Variants in ARRB1 observed in about 807,000 individuals in gnomAD.
The protein encoded by ARRB1 is arrestin beta 1, also known as beta-arrestin-1.
ARRB1 carries 21 observed loss-of-function variants against 56.8 expected under a neutral mutation model. That is an observed-to-expected ratio of 0.37 (90% CI 0.26 to 0.53). ARRB1 has a LOEUF of 0.53. Ranked by LOEUF, ARRB1 falls within the 20% of genes least tolerant of loss-of-function variation. The pLI is 0.88. For missense variants in ARRB1, 424 were observed against 553.7 expected, an observed-to-expected ratio of 0.77 and a Z score of 2.35; for synonymous variants, 210 against 218.6, an observed-to-expected ratio of 0.96 and a Z score of 0.35.
chr11:75,262,507 A>G lies in ARRB1; in HGVS notation c.*3656T>C, dbSNP rs1250593574. The G allele has an allele frequency of 6.6e-6, 1 of 152,242 alleles. No homozygotes were observed. The highest frequency in any genetic ancestry group is 1.5e-5 in the Non-Finnish European group (1 of 68,056). 9.4% of individuals were successfully genotyped at this position (152,242 alleles called of 1,614,324 possible). A position where few individuals can be genotyped will look rare whatever the true frequency, so the allele number is the denominator to read the frequency against. ...GTGAGAAGCAGGGCAAGCGATGAAG[A>G]CTGGTGGGGAGGGCTCCTCCTGCAG... On this transcript the variant is annotated 3_prime_UTR_variant, in exon 16 of 16. Transcript: ENST00000420843.
chr11:75,322,015 G>C (rs566525780), intron 1 of ARRB1, among the ~76,000 whole-genome samples: 1 of 152,338 alleles, frequency 6.6e-6, no homozygotes, highest in East Asian at 1.9e-4. Flanking sequence ...AGCCCTGCAA[G>C]ACAGGCATCA....
At chr11:75,338,032 C>T (rs546072682) in intron 1 of ARRB1, among the ~76,000 whole-genome samples, 4 of 151,856 alleles carry the variant, frequency 2.6e-5, no homozygotes, top group Non-Finnish European at 5.9e-5. Context: ...GGCACAGAGG[C>T]GTGAAAAGTA....
intron 1 of ARRB1, among the ~76,000 whole-genome samples, chr11:75,290,913 C>G (rs1365707181): frequency 6.6e-6 from 1 of 152,142 alleles, no homozygotes; most frequent in Non-Finnish European, 1.5e-5. Context: ...CCAACACTTA[C>G]CACTTTCGAA....
intron 15 of ARRB1, among the ~76,000 whole-genome samples, 158 bp downstream of exon 15, chr11:75,267,494 G>A (rs1017364089): frequency 2.0e-5 from 3 of 152,216 alleles, no homozygotes; most frequent in Non-Finnish European, 4.4e-5. Context: ...TCACATGCAG[G>A]CAAGCGGGTT....
chr11:75,347,414 A>C (rs1213996751), intron 1 of ARRB1, among the ~76,000 whole-genome samples: 1 of 152,124 alleles, frequency 6.6e-6, no homozygotes, highest in Non-Finnish European at 1.5e-5. Context: ...CCTTTCTCTG[A>C]AAAAAGAGGA....
At chr11:75,290,755 T>C (rs1946592355) in intron 1 of ARRB1, among the ~76,000 whole-genome samples, 1 of 152,124 alleles carries the variant, frequency 6.6e-6, no homozygotes, top group South Asian at 2.1e-4. Flanking sequence ...CTAATTTTTA[T>C]TTTTTGTTTT....
At chr11:75,316,396 C>T (rs913132198) in intron 1 of ARRB1, among the ~76,000 whole-genome samples, 4 of 152,050 alleles carry the variant, frequency 2.6e-5, no homozygotes, top group South Asian at 2.1e-4. Context: ...TGATCGGCTT[C>T]GTTTTCCTTA....
rs1945830682 is a variant in ARRB1 at position 75,262,952 on chromosome 11, C to A, written c.*3211G>T. Among the ~76,000 whole-genome samples the A allele has an allele frequency of 6.6e-6, 1 of 152,182 alleles. No homozygotes were observed. The highest frequency in any genetic ancestry group is 2.4e-5 in the African/African-American group (1 of 41,444). ...ATCTTCATGGGGACTGAACTCTTCC[C>A]CTGGGTGGAATGCTGAGGAGGTCCC... On this transcript the variant is annotated 3_prime_UTR_variant, in exon 16 of 16. Transcript: ENST00000420843.
intron 1 of ARRB1, among the ~76,000 whole-genome samples, chr11:75,314,143 T>C (rs559369292): frequency 1.3e-5 from 2 of 152,246 alleles, no homozygotes; most frequent in Admixed American, 1.3e-4. Flanking sequence ...CCCACAGGAC[T>C]CCAGTCCCAC....
intron 1 of ARRB1, among the ~76,000 whole-genome samples, chr11:75,304,756 G>A (rs1415256331): frequency 6.6e-6 from 1 of 151,680 alleles, no homozygotes; most frequent in Non-Finnish European, 1.5e-5. Context: ...AGACCAAAAT[G>A]TTATGGTGCT....
At chr11:75,321,536 T>C (rs575101207) in intron 1 of ARRB1, among the ~76,000 whole-genome samples, 22 of 152,284 alleles carry the variant, frequency 1.4e-4, no homozygotes, top group African/African-American at 5.3e-4. Context: ...CTTACAGCCC[T>C]CATCTGAGTT....
chr11:75,337,875 G>C (rs571022283), intron 1 of ARRB1, among the ~76,000 whole-genome samples: 3 of 122,246 alleles, frequency 2.5e-5, no homozygotes, highest in African/African-American at 9.3e-5. Flanking sequence ...CAAGTGATCC[G>C]CCTGCCTCGG....
intron 1 of ARRB1, among the ~76,000 whole-genome samples, chr11:75,318,464 C>A (rs146256383): frequency 6.6e-6 from 1 of 152,044 alleles, no homozygotes; most frequent in Non-Finnish European, 1.5e-5. Context: ...CCGAGGTGGG[C>A]GGGGCACCTG....
rs943770407 is a variant in ARRB1, at chr11:75,265,989, T to C, written c.*174A>G. On this transcript the variant is annotated 3_prime_UTR_variant, in exon 16 of 16. Transcript: ENST00000420843. ...CGCTGTGGTCCTGTTGGCGTGGTGA[T>C]GTGGGGCCAATCCTGAGGCCAGAGG... is the stretch of plus-strand genomic sequence containing the variant. 1.3e-5 allele frequency: 8 copies of C among 610,888 alleles called. No homozygotes were observed. Among genetic ancestry groups the C allele is most frequent in the African/African-American group, 7.4e-5 (4 of 54,226 alleles). The allele number at this position is 610,888 out of a possible 1,614,324, so 37.8% of individuals were successfully genotyped here.
At chr11:75,348,588 G>A (rs1291828037) in intron 1 of ARRB1, among the ~76,000 whole-genome samples, 1 of 152,012 alleles carries the variant, frequency 6.6e-6, no homozygotes, top group Admixed American at 6.6e-5. Flanking sequence ...GATTAGTCCT[G>A]TCCAGGTATT....
At chr11:75,269,393 T>G (rs887715026) in intron 13 of ARRB1, among the ~76,000 whole-genome samples, 1 of 151,462 alleles carries the variant, frequency 6.6e-6, no homozygotes, top group Non-Finnish European at 1.5e-5. Context: ...CCTCACGCCA[T>G]CCCATCTCCC....
Position 75,261,504 on chromosome 11 carries a change from A to G in ARRB1, c.*4659T>C, listed in dbSNP as rs191684036. 6.6e-6 allele frequency: 1 copy of G among 152,330 alleles called. No individual in the cohort carries two copies. The highest frequency in any genetic ancestry group is 6.5e-5 in the Admixed American group (1 of 15,304). The allele number at this position is 152,330 out of a possible 1,614,324, so 9.4% of individuals were successfully genotyped here. On this transcript the variant is annotated 3_prime_UTR_variant, in exon 16 of 16. Transcript: ENST00000420843. Reference sequence around the variant, plus strand: ...TCCACTCCCATCTTCCCACTTTAGCATCCCCTGACAAAGCTCTGTGGAATA... The same window carrying G: ...TCCACTCCCATCTTCCCACTTTAGCGTCCCCTGACAAAGCTCTGTGGAATA...
At chr11:75,316,377 G>C (rs562950363) in intron 1 of ARRB1, among the ~76,000 whole-genome samples, 2 of 151,934 alleles carry the variant, frequency 1.3e-5, no homozygotes, top group South Asian at 2.1e-4. Flanking sequence ...GTCATCTATA[G>C]AAAAGAGGTG....
chr11:75,278,514 C>G, intron 8 of ARRB1, 95 bp downstream of exon 8: 1 of 1,548,590 alleles, frequency 6.5e-7, no homozygotes, highest in Non-Finnish European at 8.8e-7. Context: ...GAAGCTCCTA[C>G]CTGAGGCATC....
Sources: allele counts gnomAD v4.1 joint callset (sites outside exome capture counted in the v4.1 genomes callset), GRCh38; gene constraint gnomAD v4.1.1; transcripts MANE v1.5; gene names NCBI Gene and HGNC (gene_info 2026-07-23, HGNC 2026-07-21).